The following CILK1 variants were observed in gnomAD, a reference collection of about 807,000 sequenced individuals.
CILK1 encodes the protein serine/threonine-protein kinase ICK.
Under a neutral mutation model 79.2 loss-of-function variants are expected in CILK1, and 47 were observed. The observed-to-expected ratio is 0.59, with a 90% confidence interval of 0.47 to 0.76. The LOEUF is 0.76. Ranked by LOEUF, CILK1 falls within the 30% of genes least tolerant of loss-of-function variation. CILK1 has a pLI of 0.00. For missense variants in CILK1, 660 were observed against 769.5 expected (o/e 0.86, Z 1.68); for synonymous variants, 266 against 275.9 (o/e 0.96, Z 0.36).
intron 8 of CILK1, 186 bp downstream of exon 8, chr6:53,015,897 T>C: frequency 1.7e-6 from 1 of 603,644 alleles, no homozygotes; most frequent in East Asian, 2.9e-5. Context: ...ATTGTTTACA[T>C]TGTAACTACT....
At chr6:53,023,631 A>G (rs768187482) in intron 5 of CILK1, among the ~76,000 whole-genome samples, 2 of 152,236 alleles carry the variant, frequency 1.3e-5, no homozygotes, top group Non-Finnish European at 2.9e-5. Flanking sequence ...TCTATTAGTC[A>G]AGGTTGTTTT....
intron 5 of CILK1, among the ~76,000 whole-genome samples, chr6:53,030,851 C>G (rs1446914932): frequency 3.3e-5 from 5 of 152,084 alleles, no homozygotes; most frequent in Non-Finnish European, 5.9e-5. Flanking sequence ...AATGTTAAAG[C>G]CTACAGAATA....
intron 1 of CILK1, among the ~76,000 whole-genome samples, chr6:53,043,330 A>ATC (rs1766834039): frequency 6.6e-6 from 1 of 151,278 alleles, no homozygotes; most frequent in African/African-American, 2.4e-5. Context: ...ATATATATAT[A>ATC]TATATTAAAA....
At position 53,016,072 on chromosome 6, in the gene CILK1, T is replaced by A. The variant is rs757733787; in HGVS notation, c.831+11A>T. 6.2e-7 allele frequency: 1 copy of A among 1,613,460 alleles called. No individual in the cohort carries two copies. The highest frequency in any genetic ancestry group is 8.5e-7 in the Non-Finnish European group (1 of 1,179,516). ...AGATATGAACGTTATAACAAGAAAA[T>A]GGAAGAAAACCTGACTAGCTGTTGG... On this transcript the variant is annotated intron_variant, in intron 8 of 13. Coordinates refer to ENST00000676107, the MANE Select transcript of CILK1 (RefSeq NM_014920.5).
chr6:53,010,524 TC>T (rs1764511912), intron 11 of CILK1, among the ~76,000 whole-genome samples: 1 of 152,182 alleles, frequency 6.6e-6, no homozygotes, highest in Non-Finnish European at 1.5e-5. Flanking sequence ...AATCCAAATT[TC>T]TTACAAGGCC....
chr6:53,012,143 T>C lies in CILK1; in HGVS notation c.1237A>G (p.Lys413Glu). 6.2e-7 allele frequency: 1 copy of C among 1,614,200 alleles called. No individual in the cohort carries two copies. Residue 413 changes from lysine (K) to glutamate (E), a missense_variant, in exon 10 of 14, where the codon AAG becomes GAG. Lys to Glu is a moderately conservative substitution (Grantham distance 56). Coordinates refer to ENST00000676107, the MANE Select transcript of CILK1 (RefSeq NM_014920.5). ...AAGTCAGCCCAATCATCTGAATCCT[T>C]TGTTGACCTGGAAATAAGACCCCAC... ...RRWGLISRST[K>E]DSDDWADLDD... is the part of the protein sequence containing the mutation.
intron 2 of CILK1, among the ~76,000 whole-genome samples, chr6:53,040,675 C>T (rs1242252317): frequency 1.3e-5 from 2 of 152,200 alleles, no homozygotes; most frequent in African/African-American, 4.8e-5. Flanking sequence ...TTTTAAACAA[C>T]TAAGTCTTGG....
intron 3 of CILK1, among the ~76,000 whole-genome samples, chr6:53,035,003 G>T (rs1766216986): frequency 6.6e-6 from 1 of 152,186 alleles, no homozygotes; most frequent in South Asian, 2.1e-4. Flanking sequence ...AACCTAGTTT[G>T]GTTCTGAGGG....
rs1296262576 is a variant in CILK1, at chr6:53,009,572, T to A, written c.1493-5A>T. ...TGCCATTTCTTATACTGATCCCTGA[T>A]AGAGAAGAAATGATTTTAAAATGCA... On this transcript the variant is annotated splice_region_variant and splice_polypyrimidine_tract_variant and intron_variant, in intron 11 of 13. Transcript: ENST00000676107. 1 of 1,603,572 alleles carries A rather than the reference T, an allele frequency of 6.2e-7. No homozygotes were observed. The highest frequency in any genetic ancestry group is 8.5e-7 in the Non-Finnish European group (1 of 1,170,528).
intron 1 of CILK1, chr6:53,054,645 A>G (rs1447285695): frequency 1.3e-5 from 2 of 152,374 alleles, no homozygotes; most frequent in Non-Finnish European, 2.9e-5. Flanking sequence ...AGGATCACAG[A>G]AAGTCCCCCT....
chr6:53,039,088 C>T (rs9463858), intron 2 of CILK1, among the ~76,000 whole-genome samples: 3,975 of 152,246 alleles, frequency 0.026, 175 homozygotes, highest in African/African-American at 0.091. Flanking sequence ...CACTGTCTCC[C>T]GGTAGAGTGA....
At position 53,002,057 on chromosome 6, in the gene CILK1, T is replaced by A. The variant is rs1014733751; in HGVS notation, c.*3092A>T. The stretch of plus-strand genomic sequence containing the variant: ...GATGACACAGTGTTACTTTATTAGA[T>A]GTATATAGTCCTTTAGGCAAGAGAT... On this transcript the variant is annotated 3_prime_UTR_variant, in exon 14 of 14. Coordinates refer to ENST00000676107, the MANE Select transcript of CILK1 (RefSeq NM_014920.5). The A allele has an allele frequency of 6.6e-6, 1 of 152,588 alleles. No individual in the cohort carries two copies. The highest frequency in any genetic ancestry group is 2.4e-5 in the African/African-American group (1 of 41,474). The allele number at this position is 152,588 out of a possible 1,614,324, so 9.5% of individuals were successfully genotyped here.
chr6:53,047,495 G>T (rs1274947324), intron 1 of CILK1, among the ~76,000 whole-genome samples: 1 of 136,248 alleles, frequency 7.3e-6, no homozygotes, highest in East Asian at 2.1e-4. Flanking sequence ...TAAGAGATGA[G>T]GTCTCTTTTT....
intron 1 of CILK1, among the ~76,000 whole-genome samples, chr6:53,055,180 A>C (rs1377288058): frequency 1.3e-5 from 2 of 152,226 alleles, no homozygotes; most frequent in Non-Finnish European, 2.9e-5. Flanking sequence ...AGTGGATTAT[A>C]TGCAAAATCA....
chr6:53,026,112 G>A (rs1206025739), intron 5 of CILK1, among the ~76,000 whole-genome samples: 1 of 152,108 alleles, frequency 6.6e-6, no homozygotes, highest in Non-Finnish European at 1.5e-5. Context: ...TAATAGGGTT[G>A]TTCTGCAGGA....
In CILK1 at chr6:53,038,009, GA is replaced by G. The variant is rs983850912; in HGVS notation, c.102-17del. 1 of 1,557,114 alleles carries G rather than the reference GA, an allele frequency of 6.4e-7. No individual in the cohort carries two copies. The highest frequency in any genetic ancestry group is 1.4e-5 in the African/African-American group (1 of 73,866). ...TCTTTTCATTCTAGAAGAGAAGAAA[GA>G]AACAAACAGCACACTTATTCTCAGT... On this transcript the variant is annotated splice_polypyrimidine_tract_variant and intron_variant, in intron 2 of 13. Transcript: ENST00000676107.
At chr6:53,027,453 A>G (rs1765646462) in intron 5 of CILK1, among the ~76,000 whole-genome samples, 1 of 152,222 alleles carries the variant, frequency 6.6e-6, no homozygotes, top group African/African-American at 2.4e-5. Context: ...AGTGACACGA[A>G]GTATGGCCGT....
chr6:53,049,298 CAGG>C (rs1257249360), intron 1 of CILK1, among the ~76,000 whole-genome samples: 1 of 152,186 alleles, frequency 6.6e-6, no homozygotes, highest in East Asian at 1.9e-4. Context: ...AAATTCTCTA[CAGG>C]AGGTGACAGA....
chr6:53,017,314 C>G (rs2127416813), intron 7 of CILK1, among the ~76,000 whole-genome samples: 1 of 152,176 alleles, frequency 6.6e-6, no homozygotes, highest in East Asian at 1.9e-4. Context: ...TAGGAAACAA[C>G]TATGTACGCA....
Sources: gnomAD v4.1 joint callset for allele counts (sites outside exome capture counted in the v4.1 genomes callset) on GRCh38, gnomAD v4.1.1 for gene constraint, MANE v1.5 for transcripts, NCBI Gene and HGNC (gene_info 2026-07-23, HGNC 2026-07-21) for gene names.